Variants in EFEMP2 observed in about 807,000 individuals in gnomAD.
EFEMP2 encodes EGF-containing fibulin-like extracellular matrix protein 2.
In EFEMP2, 21 loss-of-function variants were observed where a neutral mutation model predicts 55.3. The ratio of observed to expected loss-of-function variants is 0.38; its 90% CI spans 0.27 to 0.55. EFEMP2 has a LOEUF of 0.55. EFEMP2 is among the 20% of genes least tolerant of loss of function. The pLI, the probability that EFEMP2 is intolerant of heterozygous loss-of-function variation, is 0.77. For missense variants in EFEMP2, 513 were observed against 615.1 expected, an observed-to-expected ratio of 0.83 and a Z score of 1.76; for synonymous variants, 275 against 242.3, an observed-to-expected ratio of 1.14 and a Z score of -1.25.
intron 4 of EFEMP2, 53 bp downstream of exon 4, chr11:65,871,104 A>C: frequency 6.2e-7 from 1 of 1,601,234 alleles, no homozygotes; most frequent in Non-Finnish European, 8.5e-7. Context: ...GTCTGAGTTT[A>C]AGACGCCTGG....
intron 7 of EFEMP2, 27 bp downstream of exon 7, chr11:65,869,830 A>ACCCT: frequency 6.2e-7 from 1 of 1,613,244 alleles, no homozygotes; most frequent in Non-Finnish European, 8.5e-7. Flanking sequence ...TCCACAGAGG[A>ACCCT]GTACACAGCA....
At chr11:65,871,697 C>G in intron 3 of EFEMP2, 1 of 599,798 alleles carries the variant, frequency 1.7e-6, no homozygotes, top group Non-Finnish European at 3.0e-6. Context: ...AGACAAAGAG[C>G]TGGGACAGGA....
rs1213918300 is a variant in EFEMP2 at position 65,871,990 on chromosome 11, G to A, written c.140C>T (p.Pro47Leu). 1 of 1,551,618 alleles carries A rather than the reference G, an allele frequency of 6.4e-7. No homozygotes were observed. The highest frequency in any genetic ancestry group is 1.2e-5 in the South Asian group (1 of 84,064). ...CACACCCCGGCAGTGCTGGCTGTCT[G>A]GGTCCCACTCATAGCCATCTGTGCA... ...TECTDGYEWD[P>L]DSQHCRDVNE... Residue 47 changes from proline to leucine, a missense_variant, in exon 3 of 11, where the codon CCA (proline) becomes CTA (leucine). Pro to Leu is a moderately conservative substitution (Grantham distance 98). Transcript: ENST00000307998.
At chr11:65,871,475 TC>T in intron 3 of EFEMP2, 112 bp from the exon 4 acceptor site, 1 of 1,040,012 alleles carries the variant, frequency 9.6e-7, no homozygotes, top group Non-Finnish European at 1.5e-6. Flanking sequence ...AGCAAAGCCT[TC>T]CCACTCTGCT....
At chr11:65,872,410 A>G (rs1211822145) in intron 1 of EFEMP2, 49 bp from the exon 2 acceptor site, 79 of 1,328,680 alleles carry the variant, frequency 5.9e-5, no homozygotes, top group Non-Finnish European at 8.1e-5. Context: ...CGGCACCTCA[A>G]CTCCCTGTAC....
At chr11:65,872,483 C>G in intron 1 of EFEMP2, 122 bp from the exon 2 acceptor site, 1 of 687,888 alleles carries the variant, frequency 1.5e-6, no homozygotes, top group Non-Finnish European at 2.5e-6. Flanking sequence ...CTCGGGGCCT[C>G]CCAGGGCTGG....
At chr11:65,867,532 C>T (rs1281150177) in intron 10 of EFEMP2, 1 of 459,122 alleles carries the variant, frequency 2.2e-6, no homozygotes, top group Admixed American at 3.4e-5. Flanking sequence ...GGCCCCCTCC[C>T]ACCTAACAGA....
At chr11:65,867,603 T>A in intron 10 of EFEMP2, 1 of 529,408 alleles carries the variant, frequency 1.9e-6, no homozygotes, top group Non-Finnish European at 3.4e-6. Context: ...TCCCTTGGTT[T>A]GTGGGTGAAG....
intron 7 of EFEMP2, chr11:65,868,981 TG>T: frequency 6.0e-6 from 2 of 333,494 alleles, no homozygotes; most frequent in East Asian, 1.6e-4. Context: ...TGGCTTGTGC[TG>T]TAACGCCCAA....
rs1171021914 is a variant in EFEMP2, at chr11:65,869,916, G to A, written c.668C>T (p.Thr223Ile). The change falls in exon 7 of 11, where the codon ACC becomes ATC. Residue 223 changes from threonine to isoleucine, a missense_variant. Thr to Ile is a moderately conservative substitution (Grantham distance 89). Coordinates refer to ENST00000307998, the MANE Select transcript of EFEMP2 (RefSeq NM_016938.5). The part of the protein sequence containing the change: ...CEQRCFNSYG[T>I]FLCRCHQGYE... ...GCCCTGGTGGCAGCGACACAGGAAG[G>A]TCCCATAGGAGTTGAAGCAGCGCTG... The A allele has an allele frequency of 6.2e-7, 1 of 1,614,068 alleles. No individual in the cohort carries two copies. Among genetic ancestry groups the A allele is most frequent in the Non-Finnish European group, 8.5e-7 (1 of 1,180,026 alleles).
chr11:65,867,754 C>T (rs1026681944), intron 10 of EFEMP2, 107 bp downstream of exon 10: 6 of 1,272,058 alleles, frequency 4.7e-6, no homozygotes, highest in South Asian at 1.2e-5. Context: ...GGGGGCGGGG[C>T]TTTGGGGGAG....
At chr11:65,872,161 T>C (rs1220115696) in intron 2 of EFEMP2, 83 bp downstream of exon 2, 2 of 1,498,304 alleles carry the variant, frequency 1.3e-6, no homozygotes, top group Non-Finnish European at 1.8e-6. Flanking sequence ...GGAGGAAGAC[T>C]TCCCCGGCAG....
intron 10 of EFEMP2, 133 bp downstream of exon 10, chr11:65,867,728 C>A (rs921612578): frequency 4.1e-6 from 4 of 979,828 alleles, no homozygotes; most frequent in Non-Finnish European, 4.8e-6. Context: ...CGTCTTCCTG[C>A]AGAAACCCCG....
chr11:65,869,914 A>G lies in EFEMP2; in HGVS notation c.670T>C (p.Phe224Leu). ...TAGCCCTGGTGGCAGCGACACAGGA[A>G]GGTCCCATAGGAGTTGAAGCAGCGC... ...EQRCFNSYGT[F>L]LCRCHQGYEL... Residue 224 changes from phenylalanine (F) to leucine (L), a missense_variant, in exon 7 of 11, where the codon TTC (phenylalanine) becomes CTC (leucine). Physicochemically the swap from Phe to Leu is conservative, Grantham distance 22. Transcript: ENST00000307998. The G allele has an allele frequency of 6.2e-7, 1 of 1,614,088 alleles. No individual in the cohort carries two copies. Among genetic ancestry groups the G allele is most frequent in the South Asian group, 1.1e-5 (1 of 91,088 alleles).
In EFEMP2 at chr11:65,869,962, C is replaced by T. The variant is rs772603225; in HGVS notation, c.622G>A (p.Asp208Asn). The stretch of plus-strand genomic sequence containing the variant: ...CGCTGCTCGCATGGGGCCCCCATGT[C>T]ACACTCGTTCACATCTGGGGGTGCC... ...NRSCVDVNEC[D>N]MGAPCEQRCF... Residue 208 changes from aspartate (D) to asparagine (N), a missense_variant, in exon 7 of 11, where the codon GAC becomes AAC. Physicochemically the swap from Asp to Asn is conservative, Grantham distance 23 (BLOSUM62 1). Coordinates refer to ENST00000307998, the MANE Select transcript of EFEMP2 (RefSeq NM_016938.5). The T allele has an allele frequency of 7.4e-6, 12 of 1,613,900 alleles. No individual in the cohort carries two copies. The South Asian group carries it at 1.2e-4, about 16-fold the overall frequency.
chr11:65,872,443 G>A (rs1265144544), intron 1 of EFEMP2, 82 bp from the exon 2 acceptor site: 20 of 961,548 alleles, frequency 2.1e-5, no homozygotes, highest in Non-Finnish European at 2.7e-5. Flanking sequence ...CCCAGCCCCC[G>A]CCACTGCCCG....
chr11:65,871,117 A>G, intron 4 of EFEMP2, 40 bp downstream of exon 4: 1 of 1,609,208 alleles, frequency 6.2e-7, no homozygotes, highest in Non-Finnish European at 8.5e-7. Flanking sequence ...ACGCCTGGTG[A>G]GAGGACTGGA....
chr11:65,866,822 G>A lies in EFEMP2; in HGVS notation c.*96C>T, dbSNP rs920823319. 6.7e-7 allele frequency: 1 copy of A among 1,495,444 alleles called. No homozygotes were observed. Among genetic ancestry groups the A allele is most frequent in the Non-Finnish European group, 9.2e-7 (1 of 1,087,284 alleles). The allele number at this position is 1,495,444 out of a possible 1,614,324, so 92.6% of individuals were successfully genotyped here. On this transcript the variant is annotated 3_prime_UTR_variant, in exon 11 of 11. Transcript: ENST00000307998. ...GTGACCCGCCCACCTCAGCCACCAGGACTTTCTTTCTCCCTTTATTGCCTT... is the reference window on the plus strand; with the variant it reads ...GTGACCCGCCCACCTCAGCCACCAGAACTTTCTTTCTCCCTTTATTGCCTT...
intron 7 of EFEMP2, chr11:65,868,981 T>C (rs1859916008): frequency 6.0e-6 from 2 of 333,376 alleles, no homozygotes; most frequent in Non-Finnish European, 1.2e-5. Context: ...TGGCTTGTGC[T>C]GTAACGCCCA....
Sources: gnomAD v4.1 joint callset for allele counts on GRCh38, gnomAD v4.1.1 for gene constraint, MANE v1.5 for transcripts, NCBI Gene and HGNC (gene_info 2026-07-23, HGNC 2026-07-21) for gene names.